TNS3: variants seen among roughly 807,000 people sequenced by gnomAD.
The protein encoded by TNS3 is tensin 3, also known as tensin-3.
TNS3 carries 45 observed loss-of-function variants against 140.9 expected under a neutral mutation model. The ratio of observed to expected loss-of-function variants is 0.32; its 90% CI spans 0.25 to 0.41. The LOEUF is 0.41. Among genes scored for constraint, TNS3 ranks in the 10% least tolerant of loss-of-function variants. The pLI is 1.00. For synonymous variants in TNS3, 815 were observed against 788.4 expected, an observed-to-expected ratio of 1.03 and a Z score of -0.56; for missense variants, 1,716 against 1,906.7, an observed-to-expected ratio of 0.90 and a Z score of 1.86.
intron 25 of TNS3, 34 bp from the exon 26 acceptor site, chr7:47,292,939 C>A: frequency 6.3e-7 from 1 of 1,597,342 alleles, no homozygotes; most frequent in Middle Eastern, 1.7e-4. Context: ...CAAGAGTCAA[C>A]AACTGCTGTA....
intron 20 of TNS3, among the ~76,000 whole-genome samples, chr7:47,330,515 G>A (rs868132469): frequency 2.0e-5 from 3 of 152,148 alleles, no homozygotes; most frequent in Non-Finnish European, 4.4e-5. Flanking sequence ...GAGGGAGGGA[G>A]GGTGACACCA....
At chr7:47,330,175 A>G (rs553604271) in intron 20 of TNS3, among the ~76,000 whole-genome samples, 3 of 152,242 alleles carry the variant, frequency 2.0e-5, no homozygotes, top group South Asian at 2.1e-4. Context: ...GACTGTCCAC[A>G]TGTTGACTCT....
chr7:47,555,855 GT>G (rs1800181085), intron 1 of TNS3, among the ~76,000 whole-genome samples: 1 of 152,222 alleles, frequency 6.6e-6, no homozygotes, highest in African/African-American at 2.4e-5. Context: ...ACTAAAAGAT[GT>G]GTGCAACTTA....
intron 20 of TNS3, among the ~76,000 whole-genome samples, chr7:47,328,108 C>A (rs545344653): frequency 6.6e-6 from 1 of 152,150 alleles, no homozygotes; most frequent in Non-Finnish European, 1.5e-5. Flanking sequence ...CCTGTCCCAG[C>A]GGTGGCGTCC....
At chr7:47,569,608 C>T (rs758299097) in intron 1 of TNS3, among the ~76,000 whole-genome samples, 100 of 152,092 alleles carry the variant, frequency 6.6e-4, no homozygotes, top group Admixed American at 1.2e-3. Flanking sequence ...AATCCTAACA[C>T]TTTGGGAGGC....
intron 17 of TNS3, among the ~76,000 whole-genome samples, chr7:47,354,687 C>T (rs536413913): frequency 1.3e-5 from 2 of 152,248 alleles, no homozygotes; most frequent in African/African-American, 4.8e-5. Context: ...CCCTTGAAAC[C>T]CCCAGTGAAC....
intron 2 of TNS3, among the ~76,000 whole-genome samples, chr7:47,507,266 A>G (rs184458282): frequency 6.6e-6 from 1 of 152,316 alleles, no homozygotes; most frequent in East Asian, 1.9e-4. Context: ...TTCAAGGGGT[A>G]TGTACGTCCA....
At chr7:47,505,717 T>TTGTGTGTG (rs58992722) in intron 3 of TNS3, among the ~76,000 whole-genome samples, 1,955 of 150,122 alleles carry the variant, frequency 0.013, 40 homozygotes, top group African/African-American at 0.045. Flanking sequence ...TCTTCCAACT[T>TTGTGTGTG]TGTGTGTGTG....
At chr7:47,432,280 G>T (rs1794963726) in intron 8 of TNS3, among the ~76,000 whole-genome samples, 2 of 152,130 alleles carry the variant, frequency 1.3e-5, no homozygotes, top group Non-Finnish European at 2.9e-5. Context: ...AGTTATCACA[G>T]GAGTAGAACT....
chr7:47,330,651 G>A (rs959410873), intron 20 of TNS3, among the ~76,000 whole-genome samples: 2 of 151,990 alleles, frequency 1.3e-5, no homozygotes, highest in African/African-American at 4.8e-5. Flanking sequence ...GGAGAGAAGG[G>A]GCAACAGGAG....
Position 47,414,014 on chromosome 7 carries a change from A to G in TNS3, c.587-17T>C, listed in dbSNP as rs377322835. On this transcript the variant is annotated splice_polypyrimidine_tract_variant and intron_variant, in intron 11 of 30. Transcript: ENST00000311160. ...GCCGGCACACTGAAAGAAAGGCACAACTGTCTGTAGAGGCATGACCGGTAC... is the reference window on the plus strand; with the variant it reads ...GCCGGCACACTGAAAGAAAGGCACAGCTGTCTGTAGAGGCATGACCGGTAC... The G allele has an allele frequency of 6.2e-7, 1 of 1,613,754 alleles. No individual in the cohort carries two copies. The highest frequency in any genetic ancestry group is 1.3e-5 in the African/African-American group (1 of 74,996).
chr7:47,564,217 T>G (rs1800377828), intron 1 of TNS3, among the ~76,000 whole-genome samples: 1 of 140,866 alleles, frequency 7.1e-6, no homozygotes. Flanking sequence ...AAAAAAACCA[T>G]TTAAATCAGT....
intron 1 of TNS3, among the ~76,000 whole-genome samples, chr7:47,543,476 C>T (rs904600199): frequency 6.6e-6 from 1 of 152,210 alleles, no homozygotes; most frequent in South Asian, 2.1e-4. Context: ...TTCGCCCAGG[C>T]TCTTAGTGAC....
chr7:47,304,791 T>C (rs1786648588), intron 21 of TNS3, 41 bp downstream of exon 21: 1 of 1,342,160 alleles, frequency 7.5e-7, no homozygotes, highest in Non-Finnish European at 9.6e-7. Context: ...TCTGGGTCTT[T>C]AAGGGGAACT....
intron 1 of TNS3, among the ~76,000 whole-genome samples, chr7:47,557,353 C>G (rs10278429): frequency 0.038 from 5,773 of 152,286 alleles, 333 homozygotes; most frequent in African/African-American, 0.13. Flanking sequence ...CTGCCTGCAG[C>G]GAGCTCACAA....
intron 17 of TNS3, among the ~76,000 whole-genome samples, chr7:47,364,009 G>A (rs1405778165): frequency 6.6e-6 from 1 of 152,122 alleles, no homozygotes; most frequent in East Asian, 1.9e-4. Flanking sequence ...AGGCACTCCA[G>A]CAGCATCCCC....
chr7:47,530,258 T>A (rs1799343552), intron 1 of TNS3, among the ~76,000 whole-genome samples: 1 of 152,208 alleles, frequency 6.6e-6, no homozygotes, highest in African/African-American at 2.4e-5. Flanking sequence ...CTGGATGCGA[T>A]TACTGGCAGA....
chr7:47,443,178 C>T (rs929275737), intron 4 of TNS3, among the ~76,000 whole-genome samples: 1 of 152,178 alleles, frequency 6.6e-6, no homozygotes, highest in African/African-American at 2.4e-5. Flanking sequence ...CCCTTGGCCA[C>T]TCCACTTCTT....
At chr7:47,335,035 T>G (rs900021136) in intron 20 of TNS3, among the ~76,000 whole-genome samples, 7 of 152,270 alleles carry the variant, frequency 4.6e-5, no homozygotes, top group African/African-American at 1.7e-4. Context: ...TAATTTTATC[T>G]ATTTTTGCTT....
Sources: gnomAD v4.1 joint callset for allele counts (sites outside exome capture counted in the v4.1 genomes callset) on GRCh38, gnomAD v4.1.1 for gene constraint, MANE v1.5 for transcripts, NCBI Gene and HGNC (gene_info 2026-07-23, HGNC 2026-07-21) for gene names.